USP20: variants seen among roughly 807,000 people sequenced by gnomAD.
USP20 encodes ubiquitin carboxyl-terminal hydrolase 20.
Under a neutral mutation model 124.2 loss-of-function variants are expected in USP20, and 80 were observed. That is an observed-to-expected ratio of 0.64 (90% CI 0.54 to 0.78). USP20 has a LOEUF of 0.78. Among genes scored for constraint, USP20 ranks in the 30% least tolerant of loss-of-function variants. The probability of loss-of-function intolerance (pLI) is 0.00; values close to 1 mark genes in which losing one functional copy is unlikely to be tolerated. For missense variants in USP20, 1,043 were observed against 1,244.4 expected (o/e 0.84, Z 2.44); for synonymous variants, 481 against 512.3 (o/e 0.94, Z 0.83).
At chr9:129,878,186 G>C in intron 22 of USP20, 152 bp from the exon 23 acceptor site, 1 of 659,534 alleles carries the variant, frequency 1.5e-6, no homozygotes, top group Non-Finnish European at 2.7e-6. Context: ...GTTTGAGCTT[G>C]TCTGGGGGTT....
In USP20 at chr9:129,868,159, A is replaced by G; in HGVS notation, c.845A>G (p.Glu282Gly). ...REGDRSPSED[E>G]FLSCDSSSDR... ...GGTGACCGGAGCCCATCAGAAGATG[A>G]GTTCTTGTCCTGTGACTCGAGCAGT... Residue 282 changes from glutamate (E) to glycine (G), a missense_variant, in exon 11 of 26, where the codon GAG becomes GGG. Physicochemically the swap from Glu to Gly is moderately conservative, Grantham distance 98. Transcript: ENST00000372429. The G allele has an allele frequency of 1.2e-6, 2 of 1,614,064 alleles. No individual in the cohort carries two copies. Among genetic ancestry groups the G allele is most frequent in the South Asian group, 2.2e-5 (2 of 91,078 alleles).
rs1189648049 is a variant in USP20, at chr9:129,875,487, G to A, written c.2218+8G>A. On this transcript the variant is annotated splice_region_variant and intron_variant, in intron 20 of 25. Coordinates refer to ENST00000372429, the MANE Select transcript of USP20 (RefSeq NM_001110303.4). ...TCCTCTGCTCCCACGGAGGTGAGGC[G>A]CCCCCTGTGGTGGGAGAGCAGGGTG... The A allele has an allele frequency of 5.6e-6, 9 of 1,611,858 alleles. No homozygotes were observed. Among genetic ancestry groups the A allele is most frequent in the Non-Finnish European group, 7.6e-6 (9 of 1,178,810 alleles).
chr9:129,857,929 G>A (rs575580423), intron 4 of USP20, 121 bp from the exon 5 acceptor site: 9 of 841,194 alleles, frequency 1.1e-5, no homozygotes, highest in South Asian at 1.0e-4. Flanking sequence ...CAGAGCCTCA[G>A]TCCCTTGTGG....
intron 1 of USP20, among the ~76,000 whole-genome samples, chr9:129,847,029 G>GT (rs917461768): frequency 2.9e-4 from 44 of 152,186 alleles, no homozygotes; most frequent in African/African-American, 8.7e-4. Context: ...GGTATATCAT[G>GT]TTTTGTCTAT....
At chr9:129,864,244 G>C (rs576128500) in intron 9 of USP20, among the ~76,000 whole-genome samples, 1 of 152,148 alleles carries the variant, frequency 6.6e-6, no homozygotes, top group African/African-American at 2.4e-5. Flanking sequence ...CGAGGCAGGA[G>C]AATCATTTGA....
At chr9:129,855,259 A>G (rs4240440) in intron 3 of USP20, among the ~76,000 whole-genome samples, 134,691 of 152,020 alleles carry the variant, frequency 0.89, 60,112 homozygotes, top group East Asian at 1. Flanking sequence ...GTGAAATCCC[A>G]TCTCTACTAA....
chr9:129,880,056 C>T lies in USP20; in HGVS notation c.2585-57C>T, dbSNP rs994590347. 112 of 1,590,172 alleles carry T rather than the reference C, an allele frequency of 7.0e-5. 1 individual carries two copies. Among genetic ancestry groups the T allele is most frequent in the South Asian group, 5.3e-4 (48 of 89,802 alleles). On this transcript the variant is annotated intron_variant, in intron 24 of 25. Coordinates refer to ENST00000372429, the MANE Select transcript of USP20 (RefSeq NM_001110303.4). ...CCTGCGGAGCCCCCACTGCCCAGGC[C>T]GGTGGCTTCCTTGAGGAGGCAAAGG...
At chr9:129,857,789 T>G (rs1208591206) in intron 4 of USP20, among the ~76,000 whole-genome samples, 1 of 152,206 alleles carries the variant, frequency 6.6e-6, no homozygotes, top group Non-Finnish European at 1.5e-5. Flanking sequence ...CCTGGGCTTC[T>G]TGCTGGAGAG....
chr9:129,861,742 T>C (rs2033561703), intron 8 of USP20, 130 bp downstream of exon 8: 2 of 778,580 alleles, frequency 2.6e-6, no homozygotes, highest in Non-Finnish European at 4.3e-6. Context: ...CCTGAAAGCA[T>C]GTATACCCTT....
intron 1 of USP20, among the ~76,000 whole-genome samples, chr9:129,842,562 A>G (rs1023661319): frequency 2.0e-5 from 3 of 149,878 alleles, no homozygotes; most frequent in Non-Finnish European, 3.0e-5. Context: ...GTCGACCCCC[A>G]TGCTTCCGAT....
chr9:129,851,332 T>C (rs543938464), intron 2 of USP20, among the ~76,000 whole-genome samples: 11 of 148,526 alleles, frequency 7.4e-5, no homozygotes, highest in Non-Finnish European at 1.5e-4. Flanking sequence ...TGGTCACGGC[T>C]CACTGCAGCC....
At chr9:129,843,867 C>T (rs530169972) in intron 1 of USP20, among the ~76,000 whole-genome samples, 1 of 152,114 alleles carries the variant, frequency 6.6e-6, no homozygotes, top group African/African-American at 2.4e-5. Context: ...AGTTCCAGAC[C>T]AATCTGGGCA....
intron 6 of USP20, among the ~76,000 whole-genome samples, chr9:129,860,335 G>GA (rs33939524): frequency 0.88 from 130,764 of 149,372 alleles, 57,413 homozygotes; most frequent in East Asian, 0.99. Context: ...GTCTCAAAAA[G>GA]AAAAAAAAAA....
Position 129,849,852 on chromosome 9 carries a change from A to G in USP20, c.-89A>G, listed in dbSNP as rs2032800317. ...GCCTCCACTCACTCCAGACCCCTAT[A>G]GCCCGTCGCTGTCAGCTGTCAACAA... On this transcript the variant is annotated 5_prime_UTR_variant, in exon 2 of 26. It adds an upstream start codon to the 5' untranslated region. Transcript: ENST00000372429. The G allele has an allele frequency of 1.3e-5, 2 of 152,246 alleles. No individual in the cohort carries two copies. The highest frequency in any genetic ancestry group is 2.4e-5 in the African/African-American group (1 of 41,436). 9.4% of individuals were successfully genotyped at this position (152,246 alleles called of 1,614,324 possible).
At chr9:129,863,073 G>T (rs4836675) in intron 8 of USP20, 113 bp from the exon 9 acceptor site, 602,632 of 702,980 alleles carry the variant, frequency 0.86, 261,073 homozygotes, top group East Asian at 0.97. Context: ...TCTGGGTCCA[G>T]GGCCACTGTG....
chr9:129,874,026 C>T (rs2034264899), intron 17 of USP20, among the ~76,000 whole-genome samples: 1 of 152,182 alleles, frequency 6.6e-6, no homozygotes, highest in Non-Finnish European at 1.5e-5. Flanking sequence ...TGGGTTACCA[C>T]CCCCAGTGAG....
chr9:129,858,073 C>T lies in USP20; in HGVS notation c.159C>T (p.Cys53=), dbSNP rs549242351. ...AGGTTGCCTGCCCCTATGTTGGCTGCGGAGAATCCTTTGCTGACCACAGCA... is the reference window on the plus strand; with the variant it reads ...AGGTTGCCTGCCCCTATGTTGGCTGTGGAGAATCCTTTGCTGACCACAGCA... ...CLQVACPYVG[C]GESFADHSTI... is the part of the protein sequence containing the mutation. The change falls in exon 5 of 26, where the codon TGC becomes TGT. Residue 53 remains cysteine (C), a synonymous_variant. Coordinates refer to ENST00000372429, the MANE Select transcript of USP20 (RefSeq NM_001110303.4). 2.9e-5 allele frequency: 46 copies of T among 1,613,948 alleles called. No homozygotes were observed. Among genetic ancestry groups the T allele is most frequent in the Admixed American group, 1.0e-4 (6 of 60,004 alleles).
Position 129,873,492 on chromosome 9 carries a change from G to A in USP20, c.1671G>A (p.Met557Ile), listed in dbSNP as rs773547758. Reference sequence around the variant, plus strand: ...GTTTTACTGCCCTAGGTGACAACATGTACAGCTGTGAGCGGTGTAAGAAGT... The same window carrying A: ...GTTTTACTGCCCTAGGTGACAACATATACAGCTGTGAGCGGTGTAAGAAGT... ...FAADELKGDN[M>I]YSCERCKKLR... The change falls in exon 16 of 26, where the codon ATG (methionine) becomes ATA (isoleucine). Residue 557 changes from methionine (M) to isoleucine (I), a missense_variant. Physicochemically the swap from Met to Ile is conservative, Grantham distance 10. Transcript: ENST00000372429. 7 of 1,614,026 alleles carry A rather than the reference G, an allele frequency of 4.3e-6. No individual in the cohort carries two copies. The highest frequency in any genetic ancestry group is 5.9e-6 in the Non-Finnish European group (7 of 1,180,036).
chr9:129,873,080 CT>C (rs59712662), intron 15 of USP20, among the ~76,000 whole-genome samples: 4 of 78,364 alleles, frequency 5.1e-5, no homozygotes, highest in African/African-American at 1.9e-4. Context: ...TTTTCTTCTT[CT>C]TTTTTTTTTT....
Sources: allele counts gnomAD v4.1 joint callset (sites outside exome capture counted in the v4.1 genomes callset), GRCh38; gene constraint gnomAD v4.1.1; transcripts MANE v1.5; gene names NCBI Gene and HGNC (gene_info 2026-07-23, HGNC 2026-07-21).